The following OTUD7A variants were observed in gnomAD, a reference collection of about 807,000 sequenced individuals.
OTUD7A encodes OTU deubiquitinase 7A.
In OTUD7A, 12 loss-of-function variants were observed where a neutral mutation model predicts 65.7. The ratio of observed to expected loss-of-function variants is 0.18; its 90% CI spans 0.12 to 0.30. The LOEUF is 0.30. Ranked by LOEUF, OTUD7A falls within the 10% of genes least tolerant of loss-of-function variation. The pLI is 1.00. For missense variants in OTUD7A, 1,148 were observed against 1,304.8 expected, an observed-to-expected ratio of 0.88 and a Z score of 1.85; for synonymous variants, 641 against 586.3, an observed-to-expected ratio of 1.09 and a Z score of -1.35.
At position 31,775,089 on chromosome 15, in the gene OTUD7A, T is replaced by TACAC. The variant is rs3046535; in HGVS notation, c.-100+95414_-100+95417dup. Among the ~76,000 whole-genome samples the TACAC allele has an allele frequency of 4.8e-3, 715 of 148,104 alleles. 4 individuals carry two copies. The highest frequency in any genetic ancestry group is 0.017 in the African/African-American group (665 of 40,152). On this transcript the variant is annotated intron_variant, in intron 1 of 12. Transcript: ENST00000307050. ...GTGTACGCTCCCATGTCCATGCATTTACACACACACACACACACACACACA... is the reference window on the plus strand; with the variant it reads ...GTGTACGCTCCCATGTCCATGCATTTACACACACACACACACACACACACACACA...
chr15:31,772,739 C>T (rs986874184), intron 1 of OTUD7A, among the ~76,000 whole-genome samples: 2 of 152,108 alleles, frequency 1.3e-5, no homozygotes, highest in African/African-American at 4.8e-5. Flanking sequence ...AAAATATATT[C>T]CTTTTATGTA....
intron 1 of OTUD7A, among the ~76,000 whole-genome samples, chr15:31,811,910 G>A (rs1191035685): frequency 7.2e-5 from 11 of 152,184 alleles, no homozygotes; most frequent in Admixed American, 7.2e-4. Flanking sequence ...CGCTCACTCT[G>A]CACAGCGGGA....
chr15:31,659,475 G>A (rs1384133000), intron 1 of OTUD7A, among the ~76,000 whole-genome samples: 3 of 152,218 alleles, frequency 2.0e-5, no homozygotes, highest in Non-Finnish European at 4.4e-5. Flanking sequence ...ATCTAAGAGG[G>A]TGCAAAAACA....
chr15:31,507,903 G>C (rs975996434), intron 8 of OTUD7A, among the ~76,000 whole-genome samples: 1 of 152,174 alleles, frequency 6.6e-6, no homozygotes, highest in Admixed American at 6.5e-5. Flanking sequence ...TCACCTCTCA[G>C]TAGGAGCAGA....
At position 31,483,531 on chromosome 15, in the gene OTUD7A, C is replaced by A; in HGVS notation, c.2565G>T (p.Ser855=). The change falls in exon 13 of 13, where the codon TCG becomes TCT. Residue 855 remains serine (S), a synonymous_variant. Transcript: ENST00000307050. ...CGCCGAAGCCGTTGGTGTAGGTCTG[C>A]GACTTGTGCTCGGCCGCCCCCGCCG... The part of the protein sequence containing the change: ...AGTAGAAEHK[S]QTYTNGFGAL... The A allele has an allele frequency of 1.5e-6, 2 of 1,376,988 alleles. No individual in the cohort carries two copies. Among genetic ancestry groups the A allele is most frequent in the South Asian group, 2.9e-5 (2 of 69,482 alleles). The allele number at this position is 1,376,988 out of a possible 1,614,324, so 85.3% of individuals were successfully genotyped here. A position where few individuals can be genotyped will look rare whatever the true frequency, so the allele number is the denominator to read the frequency against.
chr15:31,624,366 C>T (rs979596570), intron 3 of OTUD7A, among the ~76,000 whole-genome samples: 4 of 152,140 alleles, frequency 2.6e-5, no homozygotes, highest in Non-Finnish European at 5.9e-5. Flanking sequence ...AGAATACTAT[C>T]CAAGGAGTCA....
In OTUD7A at chr15:31,837,187, A is replaced by G. The variant is rs534396309; in HGVS notation, c.-100+33320T>C. Among the ~76,000 whole-genome samples the G allele has an allele frequency of 3.3e-3, 502 of 152,250 alleles. 3 individuals carry two copies. Among genetic ancestry groups the G allele is most frequent in the Middle Eastern group, 0.01 (3 of 294 alleles). On this transcript the variant is annotated intron_variant, in intron 1 of 12. Coordinates refer to ENST00000307050, the MANE Select transcript of OTUD7A (RefSeq NM_001382637.1). ...ATAAATTGTGTTTCTATATACTAGC[A>G]ATGCCCATATGAAACAAATTAAAAC... is the stretch of plus-strand genomic sequence containing the variant.
At chr15:31,550,633 G>A (rs1390364012) in intron 5 of OTUD7A, among the ~76,000 whole-genome samples, 1 of 152,138 alleles carries the variant, frequency 6.6e-6, no homozygotes, top group African/African-American at 2.4e-5. Flanking sequence ...GAGAGACTAT[G>A]AGCAGAGTCT....
chr15:31,759,110 T>C (rs566050288), intron 1 of OTUD7A, among the ~76,000 whole-genome samples: 96 of 152,328 alleles, frequency 6.3e-4, no homozygotes, highest in African/African-American at 2.2e-3. Context: ...TCCATATCAA[T>C]GTGCCATTGG....
intron 3 of OTUD7A, among the ~76,000 whole-genome samples, chr15:31,621,288 T>A (rs1339682500): frequency 6.6e-6 from 1 of 152,224 alleles, no homozygotes; most frequent in Non-Finnish European, 1.5e-5. Context: ...TAGGTCTGCC[T>A]GCTGCAGAGC....
At chr15:31,604,682 G>A (rs959777207) in intron 3 of OTUD7A, among the ~76,000 whole-genome samples, 2 of 152,196 alleles carry the variant, frequency 1.3e-5, no homozygotes, top group African/African-American at 4.8e-5. Context: ...TTTACATAAA[G>A]TGCATTAAGT....
At chr15:31,788,955 C>G (rs1895743978) in intron 1 of OTUD7A, among the ~76,000 whole-genome samples, 1 of 152,154 alleles carries the variant, frequency 6.6e-6, no homozygotes, top group Non-Finnish European at 1.5e-5. Flanking sequence ...CCATAGGATT[C>G]CTAAATGCCA....
intron 3 of OTUD7A, among the ~76,000 whole-genome samples, chr15:31,590,486 A>G (rs555950157): frequency 4.6e-5 from 7 of 152,366 alleles, no homozygotes; most frequent in African/African-American, 1.4e-4. Flanking sequence ...AAACACACAT[A>G]TATCATCATT....
intron 1 of OTUD7A, among the ~76,000 whole-genome samples, chr15:31,769,277 A>C (rs143168131): frequency 6.6e-6 from 1 of 152,362 alleles, no homozygotes; most frequent in Admixed American, 6.5e-5. Flanking sequence ...CCAAGGATTA[A>C]GAGAGATAAT....
Position 31,526,389 on chromosome 15 carries a change from G to A in OTUD7A, c.853C>T (p.Pro285Ser), listed in dbSNP as rs1192790812. 1 of 1,601,562 alleles carries A rather than the reference G, an allele frequency of 6.2e-7. No individual in the cohort carries two copies. The highest frequency in any genetic ancestry group is 1.3e-5 in the African/African-American group (1 of 75,004). Residue 285 changes from proline (P) to serine (S), a missense_variant, in exon 8 of 13, where the codon CCG becomes TCG. Transcript: ENST00000307050. ...TELLKLASSE[P>S]RTHFSKNGGT... is the part of the protein sequence containing the mutation. The stretch of plus-strand genomic sequence containing the variant: ...CCATTCTTGCTGAAGTGTGTGCGCG[G>A]CTCGCTGGAGGCCAGCTTCAGCAGC...
intron 4 of OTUD7A, among the ~76,000 whole-genome samples, chr15:31,559,431 A>G (rs1226272475): frequency 1.3e-5 from 2 of 152,200 alleles, no homozygotes; most frequent in Non-Finnish European, 2.9e-5. Context: ...ATACATGTGC[A>G]CACACACTTA....
Position 31,484,905 on chromosome 15 carries a change from A to G in OTUD7A, c.1372-181T>C, listed in dbSNP as rs1424252642. On this transcript the variant is annotated intron_variant, in intron 12 of 12. Transcript: ENST00000307050. The surrounding 1 kb of genome is among the most constrained non-coding windows in gnomAD (Gnocchi z 4.5). ...GATGGGCGGTGCTGAAGGAGCGGATAGGAGTGGGCTCTGATCTGCTGCGGT... is the reference window on the plus strand; with the variant it reads ...GATGGGCGGTGCTGAAGGAGCGGATGGGAGTGGGCTCTGATCTGCTGCGGT... 5.9e-5 allele frequency among the ~76,000 whole-genome samples: 9 copies of G among 152,186 alleles called. No individual in the cohort carries two copies. Among genetic ancestry groups the G allele is most frequent in the Admixed American group, 1.3e-4 (2 of 15,276 alleles).
chr15:31,694,851 C>CT (rs58399731), intron 1 of OTUD7A, among the ~76,000 whole-genome samples: 135 of 145,736 alleles, frequency 9.3e-4, no homozygotes, highest in Admixed American at 1.2e-3. Context: ...TTTACATTTT[C>CT]TTTTTTTTTT....
chr15:31,730,685 T>G (rs1894015954), intron 1 of OTUD7A, among the ~76,000 whole-genome samples: 2 of 152,234 alleles, frequency 1.3e-5, no homozygotes, highest in Non-Finnish European at 2.9e-5. Context: ...ATCCCAATGC[T>G]ACTATTTCTC....
Sources: allele counts gnomAD v4.1 joint callset (sites outside exome capture counted in the v4.1 genomes callset), GRCh38; gene constraint gnomAD v4.1.1; non-coding constraint Gnocchi (gnomAD v3.1); transcripts MANE v1.5; gene names NCBI Gene and HGNC (gene_info 2026-07-23, HGNC 2026-07-21).